CSPP1: variants seen among roughly 807,000 people sequenced by gnomAD.
CSPP1 encodes the protein centrosome and spindle pole associated protein 1.
Under a neutral mutation model 164.4 loss-of-function variants are expected in CSPP1, and 126 were observed. The observed-to-expected ratio is 0.77, with a 90% confidence interval of 0.66 to 0.89. The LOEUF (loss-of-function observed/expected upper bound fraction) is 0.89, where lower values mean the gene tolerates loss of function less well. Among genes scored for constraint, CSPP1 ranks in the 40% least tolerant of loss-of-function variants. The pLI, the probability that CSPP1 is intolerant of heterozygous loss-of-function variation, is 0.00. For synonymous variants in CSPP1, 472 were observed against 476.7 expected (o/e 0.99, Z 0.13); for missense variants, 1,395 against 1,449.8 (o/e 0.96, Z 0.61).
chr8:67,080,276 A>G (rs1808870750), intron 3 of CSPP1, among the ~76,000 whole-genome samples: 1 of 152,232 alleles, frequency 6.6e-6, no homozygotes, highest in Non-Finnish European at 1.5e-5. Context: ...GTAATTAAGC[A>G]TAGTGTAGTA....
intron 15 of CSPP1, among the ~76,000 whole-genome samples, chr8:67,126,515 A>G (rs578225701): frequency 2.6e-5 from 4 of 152,272 alleles, no homozygotes; most frequent in African/African-American, 9.6e-5. Flanking sequence ...CTTTGACCCA[A>G]TAAACCTCCC....
intron 15 of CSPP1, 125 bp downstream of exon 15, chr8:67,118,946 T>C (rs779842447): frequency 2.7e-5 from 18 of 657,486 alleles, no homozygotes; most frequent in Non-Finnish European, 4.9e-5. Context: ...ATTTTCATAA[T>C]GTGCAACCAT....
chr8:67,133,529 A>T (rs575543961), intron 16 of CSPP1: 3 of 152,340 alleles, frequency 2.0e-5, no homozygotes, highest in Non-Finnish European at 4.4e-5. Flanking sequence ...CTGTATTGCT[A>T]AAAAAATTTA....
At chr8:67,125,036 C>A (rs1819790963) in intron 15 of CSPP1, among the ~76,000 whole-genome samples, 1 of 152,028 alleles carries the variant, frequency 6.6e-6, no homozygotes, top group Non-Finnish European at 1.5e-5. Context: ...TTTGTAATAT[C>A]TTTTATATTT....
In CSPP1 at chr8:67,091,797, A is replaced by G. The variant is rs1367602092; in HGVS notation, c.304-6A>G. ...TAATATATTTTTTTAATGTGTATAT[A>G]TACAGAAAAATTTTCTATCTACGAG... On this transcript the variant is annotated splice_region_variant and splice_polypyrimidine_tract_variant and intron_variant, in intron 4 of 30. Coordinates refer to ENST00000678616, the MANE Select transcript of CSPP1 (RefSeq NM_001382391.1). 8.2e-7 allele frequency: 1 copy of G among 1,222,416 alleles called. No homozygotes were observed. The highest frequency in any genetic ancestry group is 1.1e-6 in the Non-Finnish European group (1 of 913,600). The allele number at this position is 1,222,416 out of a possible 1,614,324, so 75.7% of individuals were successfully genotyped here.
intron 22 of CSPP1, among the ~76,000 whole-genome samples, chr8:67,162,197 A>G (rs1828499512): frequency 6.6e-6 from 1 of 152,196 alleles, no homozygotes; most frequent in South Asian, 2.1e-4. Flanking sequence ...AGGAAAAGAG[A>G]ACATGGAAAA....
At chr8:67,093,869 T>A (rs1223400221) in intron 6 of CSPP1, among the ~76,000 whole-genome samples, 1 of 152,080 alleles carries the variant, frequency 6.6e-6, no homozygotes, top group Non-Finnish European at 1.5e-5. Flanking sequence ...ATTTTAGAGA[T>A]CAGTTTTGTT....
At chr8:67,072,947 A>G (rs1370739450) in intron 1 of CSPP1, among the ~76,000 whole-genome samples, 5 of 152,068 alleles carry the variant, frequency 3.3e-5, no homozygotes, top group South Asian at 2.1e-4. Flanking sequence ...TACTTTCCCA[A>G]TGATTATATG....
intron 1 of CSPP1, among the ~76,000 whole-genome samples, chr8:67,066,999 G>A (rs778444584): frequency 2.6e-5 from 4 of 152,094 alleles, no homozygotes; most frequent in Admixed American, 1.3e-4. Flanking sequence ...CAAGCGATCC[G>A]CCCGTCTTGG....
Position 67,195,903 on chromosome 8 carries a change from G to A in CSPP1, c.*310G>A, listed in dbSNP as rs1837847018. 4 of 253,312 alleles carry A rather than the reference G, an allele frequency of 1.6e-5. No homozygotes were observed. The highest frequency in any genetic ancestry group is 3.1e-5 in the Non-Finnish European group (4 of 130,402). The allele number at this position is 253,312 out of a possible 1,614,324, so 15.7% of individuals were successfully genotyped here. ...CTTGTCATTAAGATAAGGTGAATAA[G>A]TGTCTTAAACGTCCTGTAAAACCGG... On this transcript the variant is annotated 3_prime_UTR_variant, in exon 31 of 31. Transcript: ENST00000678616.
intron 28 of CSPP1, among the ~76,000 whole-genome samples, chr8:67,187,459 G>A (rs775152491): frequency 6.6e-6 from 1 of 152,040 alleles, no homozygotes; most frequent in African/African-American, 2.4e-5. Flanking sequence ...ACTTTGGGAG[G>A]CTACTTGAGG....
At chr8:67,104,968 T>TATATATATA (rs58594151) in intron 8 of CSPP1, among the ~76,000 whole-genome samples, 185 of 78,186 alleles carry the variant, frequency 2.4e-3, no homozygotes, top group Non-Finnish European at 3.6e-3. Context: ...ATATATATAT[T>TATATATATA]TTTTTTTTTT....
intron 24 of CSPP1, 84 bp downstream of exon 24, chr8:67,164,592 A>G: frequency 1.5e-6 from 1 of 677,066 alleles, no homozygotes; most frequent in Non-Finnish European, 2.7e-6. Context: ...GTTTGGGAAC[A>G]GGACTAATTC....
At chr8:67,086,315 C>G in intron 4 of CSPP1, 2 of 603,932 alleles carry the variant, frequency 3.3e-6, no homozygotes, top group South Asian at 3.2e-5. Context: ...ATGATACAGA[C>G]TTTTGACCTT....
At chr8:67,192,357 G>C (rs926528243) in intron 29 of CSPP1, among the ~76,000 whole-genome samples, 1 of 152,174 alleles carries the variant, frequency 6.6e-6, no homozygotes, top group Non-Finnish European at 1.5e-5. Flanking sequence ...TTACAGGCAT[G>C]AGCCACCGCG....
At chr8:67,073,176 G>A (rs1228421921) in intron 1 of CSPP1, among the ~76,000 whole-genome samples, 1 of 152,124 alleles carries the variant, frequency 6.6e-6, no homozygotes, top group African/African-American at 2.4e-5. Context: ...ATGGTACTTT[G>A]TACTTTGAGG....
chr8:67,175,433 A>G lies in CSPP1; in HGVS notation c.3106A>G (p.Lys1036Glu), dbSNP rs369060106. 6.8e-5 allele frequency: 110 copies of G among 1,614,142 alleles called. 1 individual carries two copies. In the African/African-American group the frequency reaches 1.3e-3, roughly 19 times the overall value. ...CAGAATAAAAATGCAGGAAGGTGCC[A>G]AAGGTAAGAAATAATCATTGCTGTG... ...LNRIKMQEGA[K>E]VDLDAIPSAK... The change falls in exon 26 of 31, where the codon AAA becomes GAA. Residue 1036 changes from lysine (K) to glutamate (E), a missense_variant. By Grantham distance (56) the Lys-to-Glu change is moderately conservative. Coordinates refer to ENST00000678616, the MANE Select transcript of CSPP1 (RefSeq NM_001382391.1).
intron 16 of CSPP1, 126 bp downstream of exon 16, chr8:67,132,206 T>C: frequency 1.0e-6 from 1 of 988,606 alleles, no homozygotes; most frequent in South Asian, 1.8e-5. Flanking sequence ...TGCTGAGTTT[T>C]GAAGTGGATA....
At chr8:67,093,934 C>G (rs993553257) in intron 6 of CSPP1, among the ~76,000 whole-genome samples, 1 of 150,248 alleles carries the variant, frequency 6.7e-6, no homozygotes, top group Non-Finnish European at 1.5e-5. Flanking sequence ...ATGACAATTC[C>G]TAGCTATGTT....
Sources: gnomAD v4.1 joint callset for allele counts (sites outside exome capture counted in the v4.1 genomes callset) on GRCh38, gnomAD v4.1.1 for gene constraint, MANE v1.5 for transcripts, NCBI Gene and HGNC (gene_info 2026-07-23, HGNC 2026-07-21) for gene names.